The following NRXN1 variants were observed in gnomAD, a reference collection of about 807,000 sequenced individuals.
The protein encoded by NRXN1 is neurexin-1.
In NRXN1, 39 loss-of-function variants were observed where a neutral mutation model predicts 150.9. The observed-to-expected ratio is 0.26, with a 90% CI of 0.20 to 0.34. NRXN1 has a LOEUF of 0.34. Among genes scored for constraint, NRXN1 ranks in the 10% least tolerant of loss-of-function variants. The probability of loss-of-function intolerance (pLI) is 1.00; values close to 1 mark genes in which losing one functional copy is unlikely to be tolerated. For synonymous variants in NRXN1, 924 were observed against 757.0 expected, an observed-to-expected ratio of 1.22 and a Z score of -3.62; for missense variants, 1,815 against 1,949.9, an observed-to-expected ratio of 0.93 and a Z score of 1.30.
At chr2:50,199,329 T>A (rs1351605494) in intron 18 of NRXN1, 1 of 152,086 alleles carries the variant, frequency 6.6e-6, no homozygotes, top group East Asian at 1.9e-4. Context: ...TTAGAAATCA[T>A]ATTTTGAAAC....
At chr2:51,013,829 T>C (rs1668267161) in intron 2 of NRXN1, among the ~76,000 whole-genome samples, 1 of 152,076 alleles carries the variant, frequency 6.6e-6, no homozygotes, top group South Asian at 2.1e-4. Context: ...ATTTCCATTG[T>C]TTAGTCCTCT....
intron 21 of NRXN1, among the ~76,000 whole-genome samples, chr2:50,024,947 A>T (rs915473358): frequency 7.2e-5 from 11 of 152,126 alleles, no homozygotes; most frequent in African/African-American, 2.7e-4. Flanking sequence ...ACTCACCTAT[A>T]AAGTGAAGGT....
At chr2:50,549,251 T>A (rs2093559612) in intron 9 of NRXN1, among the ~76,000 whole-genome samples, 1 of 152,150 alleles carries the variant, frequency 6.6e-6, no homozygotes, top group African/African-American at 2.4e-5. Context: ...GGCTACTCCA[T>A]ACCAAACCAA....
At chr2:50,962,361 G>T (rs1457316469) in intron 2 of NRXN1, among the ~76,000 whole-genome samples, 2 of 151,530 alleles carry the variant, frequency 1.3e-5, no homozygotes, top group Non-Finnish European at 3.0e-5. Context: ...TTTAGTAGTT[G>T]CTAGGCAAGT....
chr2:50,065,414 T>C (rs1695213653), intron 19 of NRXN1, among the ~76,000 whole-genome samples: 1 of 152,150 alleles, frequency 6.6e-6, no homozygotes, highest in South Asian at 2.1e-4. Context: ...CAACATCTTC[T>C]CCTTAATCCT....
At chr2:49,946,907 T>C (rs1005392736) in intron 21 of NRXN1, among the ~76,000 whole-genome samples, 1 of 152,100 alleles carries the variant, frequency 6.6e-6, no homozygotes, top group African/African-American at 2.4e-5. Context: ...AATGTAACTC[T>C]TAATGTCAGT....
At chr2:50,287,881 G>T (rs1007404150) in intron 17 of NRXN1, among the ~76,000 whole-genome samples, 4 of 151,978 alleles carry the variant, frequency 2.6e-5, no homozygotes, top group African/African-American at 9.7e-5. Flanking sequence ...TAGGAAGTTT[G>T]CTAGCCTATT....
chr2:50,065,224 C>T (rs1251275318), intron 19 of NRXN1, among the ~76,000 whole-genome samples: 1 of 152,016 alleles, frequency 6.6e-6, no homozygotes, highest in African/African-American at 2.4e-5. Context: ...TGATCCCAGA[C>T]CATAAGTACC....
intron 5 of NRXN1, among the ~76,000 whole-genome samples, chr2:50,804,701 C>A (rs992847307): frequency 6.6e-6 from 1 of 151,838 alleles, no homozygotes; most frequent in Non-Finnish European, 1.5e-5. Flanking sequence ...TTTTTTCTTT[C>A]TTTTTGCTGA....
In NRXN1 at chr2:50,082,503, A is replaced by G. The variant is rs76697962; in HGVS notation, c.3718+8820T>C. On this transcript the variant is annotated intron_variant, in intron 19 of 22. Coordinates refer to ENST00000401669, the MANE Select transcript of NRXN1 (RefSeq NM_001330078.2). ...ATACTTGGCAAAAGTTCTTAAACAC[A>G]GTAATGATTAATAAACATTTCTCAA... 8.2e-3 allele frequency among the ~76,000 whole-genome samples: 1,244 copies of G among 152,336 alleles called. 20 individuals are homozygous for G. Among genetic ancestry groups the G allele is most frequent in the African/African-American group, 0.029 (1,190 of 41,580 alleles).
chr2:50,761,934 T>G (rs1701850070), intron 5 of NRXN1, among the ~76,000 whole-genome samples: 1 of 151,866 alleles, frequency 6.6e-6, no homozygotes. Flanking sequence ...ACATCATTGG[T>G]TTGCCAAGGG....
At chr2:49,969,431 CTAAA>C (rs1179865574) in intron 21 of NRXN1, among the ~76,000 whole-genome samples, 1 of 151,846 alleles carries the variant, frequency 6.6e-6, no homozygotes, top group Admixed American at 6.6e-5. Context: ...TATGCAACTT[CTAAA>C]TAAAGTGCTT....
intron 8 of NRXN1, among the ~76,000 whole-genome samples, chr2:50,596,314 C>A (rs1018417239): frequency 3.3e-5 from 5 of 149,546 alleles, no homozygotes; most frequent in African/African-American, 1.2e-4. Flanking sequence ...TTTCTCAGAT[C>A]TTCTCTTTTA....
intron 17 of NRXN1, among the ~76,000 whole-genome samples, chr2:50,306,670 T>C (rs1424896362): frequency 6.6e-6 from 1 of 152,184 alleles, no homozygotes; most frequent in Non-Finnish European, 1.5e-5. Context: ...TTAGCTCAGA[T>C]TCACATTTGA....
At chr2:50,380,276 A>ATGTGTGTGTG (rs61041420) in intron 17 of NRXN1, among the ~76,000 whole-genome samples, 1 of 149,684 alleles carries the variant, frequency 6.7e-6, no homozygotes, top group African/African-American at 2.4e-5. Flanking sequence ...ATGACCACAT[A>ATGTGTGTGTG]TGTGTGTGTG....
chr2:50,209,984 C>T (rs571205150), intron 18 of NRXN1, among the ~76,000 whole-genome samples: 4 of 152,058 alleles, frequency 2.6e-5, no homozygotes, highest in East Asian at 1.9e-4. Flanking sequence ...CTTATTAATG[C>T]TGTTTATCTC....
chr2:50,513,929 C>T (rs1271800042), intron 12 of NRXN1, among the ~76,000 whole-genome samples: 1 of 152,154 alleles, frequency 6.6e-6, no homozygotes, highest in African/African-American at 2.4e-5. Context: ...CTTTCTCCCT[C>T]TAGTGGTGCA....
At chr2:50,162,488 G>T (rs2059421213) in intron 18 of NRXN1, among the ~76,000 whole-genome samples, 1 of 151,930 alleles carries the variant, frequency 6.6e-6, no homozygotes, top group East Asian at 1.9e-4. Flanking sequence ...AAAAGAAATA[G>T]AAAAGAAAAT....
intron 5 of NRXN1, among the ~76,000 whole-genome samples, chr2:50,818,320 C>T (rs1174573174): frequency 6.6e-6 from 1 of 151,486 alleles, no homozygotes; most frequent in African/African-American, 2.4e-5. Context: ...ACACAGGATG[C>T]CTTTCTATTT....
Sources: gnomAD v4.1 joint callset for allele counts (sites outside exome capture counted in the v4.1 genomes callset) on GRCh38, gnomAD v4.1.1 for gene constraint, MANE v1.5 for transcripts, NCBI Gene and HGNC (gene_info 2026-07-23, HGNC 2026-07-21) for gene names.